Variants in MAEL observed in about 807,000 individuals in gnomAD.
The protein encoded by MAEL is protein maelstrom homolog.
MAEL carries 46 observed loss-of-function variants against 62.0 expected under a neutral mutation model. That is an observed-to-expected ratio of 0.74 (90% CI 0.59 to 0.95). The LOEUF (loss-of-function observed/expected upper bound fraction) is 0.95, where lower values mean the gene tolerates loss of function less well. Among genes scored for constraint, MAEL ranks in the 40% least tolerant of loss-of-function variants. MAEL has a pLI of 0.00. For synonymous variants in MAEL, 172 were observed against 175.5 expected (o/e 0.98, Z 0.16); for missense variants, 497 against 526.8 (o/e 0.94, Z 0.55).
chr1:166,988,348 TAAAAAAAAAAAAA>T (rs71073633), upstream of MAEL, among the ~76,000 whole-genome samples: 1 of 93,102 alleles, frequency 1.1e-5, no homozygotes, highest in Admixed American at 1.3e-4. Context: ...AGACCCTGTC[TAAAAAAAAAAAAA>T]AAAAAAAAAA....
upstream of MAEL, among the ~76,000 whole-genome samples, chr1:166,985,937 G>A (rs6699294): frequency 0.17 from 26,579 of 152,092 alleles, 2,463 homozygotes; most frequent in East Asian, 0.24. Context: ...GTTAAACAAC[G>A]TAAAGGAAGG....
chr1:166,980,395 C>T (rs1279497283), intron 1 of MAEL, among the ~76,000 whole-genome samples: 3 of 152,082 alleles, frequency 2.0e-5, no homozygotes, highest in African/African-American at 4.8e-5. Context: ...TGTGCCCATG[C>T]CAAAATTTAC....
At chr1:167,013,733 C>T (rs1039676227) in intron 8 of MAEL, among the ~76,000 whole-genome samples, 3 of 152,044 alleles carry the variant, frequency 2.0e-5, no homozygotes, top group Non-Finnish European at 4.4e-5. Flanking sequence ...GCTACAAAGC[C>T]GAGTGTTCCA....
At chr1:167,003,373 C>G (rs750376150) in intron 5 of MAEL, among the ~76,000 whole-genome samples, 46 of 152,270 alleles carry the variant, frequency 3.0e-4, no homozygotes, top group South Asian at 4.1e-4. Context: ...TTTCTGTCAA[C>G]TATATATTTG....
chr1:167,009,200 T>C (rs1571269029), intron 8 of MAEL, among the ~76,000 whole-genome samples: 1 of 152,196 alleles, frequency 6.6e-6, no homozygotes, highest in East Asian at 1.9e-4. Context: ...GCTGCTGTGA[T>C]ATTTGATGCC....
chr1:167,014,511 G>A (rs1665298735), intron 8 of MAEL, among the ~76,000 whole-genome samples: 1 of 152,122 alleles, frequency 6.6e-6, no homozygotes, highest in Admixed American at 6.5e-5. Flanking sequence ...GTCATGTATG[G>A]TAAATTCTGG....
chr1:166,992,670 T>TA lies in MAEL; in HGVS notation c.326-15dup. The TA allele has an allele frequency of 6.4e-7, 1 of 1,562,618 alleles. No individual in the cohort carries two copies. Among genetic ancestry groups the TA allele is most frequent in the Non-Finnish European group, 8.6e-7 (1 of 1,161,374 alleles). On this transcript the variant is annotated splice_polypyrimidine_tract_variant and intron_variant, in intron 3 of 11. Transcript: ENST00000367872. ...AGACATTCATTTATTCATTTTATCT[T>TA]ACAATTTTTTTTTAGCTCTCCTTGG...
rs773189473 is a variant in MAEL, at chr1:166,992,636, G to A, written c.326-50G>A. 6.5e-6 allele frequency: 9 copies of A among 1,375,516 alleles called. No individual in the cohort carries two copies. In the South Asian group the frequency reaches 7.2e-5, roughly 11 times the overall value. The allele number at this position is 1,375,516 out of a possible 1,614,324, so 85.2% of individuals were successfully genotyped here. A position where few individuals can be genotyped will look rare whatever the true frequency, so the allele number is the denominator to read the frequency against. On this transcript the variant is annotated intron_variant, in intron 3 of 11. Coordinates refer to ENST00000367872, the MANE Select transcript of MAEL (RefSeq NM_032858.3). ...AACTAAAGAGGCTTTTGTGGAAGAGGTAAATTTGAGACATTCATTTATTCA... is the reference window on the plus strand; with the variant it reads ...AACTAAAGAGGCTTTTGTGGAAGAGATAAATTTGAGACATTCATTTATTCA...
chr1:166,994,209 G>C, intron 5 of MAEL, 140 bp downstream of exon 5: 3 of 700,738 alleles, frequency 4.3e-6, no homozygotes, highest in Non-Finnish European at 7.0e-6. Flanking sequence ...AGATGTGATA[G>C]ATGGTGTCTG....
intron 8 of MAEL, chr1:167,006,097 C>CGTGT (rs149947712): frequency 6.6e-6 from 1 of 151,146 alleles, no homozygotes; most frequent in South Asian, 2.1e-4. Flanking sequence ...TGAGTGCGTG[C>CGTGT]GTGTGTGTGT....
intron 4 of MAEL, 141 bp downstream of exon 4, chr1:166,992,982 T>C (rs368822275): frequency 2.8e-6 from 2 of 714,326 alleles, no homozygotes; most frequent in South Asian, 3.6e-5. Flanking sequence ...ATAATGCTTA[T>C]TGAAAAACTG....
chr1:166,979,853 G>T (rs1370334529), intron 1 of MAEL, among the ~76,000 whole-genome samples: 1 of 152,074 alleles, frequency 6.6e-6, no homozygotes, highest in Non-Finnish European at 1.5e-5. Flanking sequence ...CCCTAAAAAG[G>T]TCCATCCAAG....
intron 8 of MAEL, among the ~76,000 whole-genome samples, chr1:167,007,640 C>T (rs1331342544): frequency 1.3e-5 from 2 of 151,480 alleles, no homozygotes; most frequent in African/African-American, 2.4e-5. Context: ...GTAGCTAGGT[C>T]TCTCAATCTT....
At chr1:166,982,943 C>T (rs955048046) in intron 1 of MAEL, among the ~76,000 whole-genome samples, 3 of 152,186 alleles carry the variant, frequency 2.0e-5, no homozygotes, top group Admixed American at 6.5e-5. Context: ...TGCTTGCTCT[C>T]TTCCTTCTAG....
intron 1 of MAEL, among the ~76,000 whole-genome samples, chr1:166,977,975 AC>A (rs1310880709): frequency 6.6e-6 from 1 of 152,156 alleles, no homozygotes; most frequent in Admixed American, 6.6e-5. Context: ...TTTATGCAAA[AC>A]TTGGACATAT....
chr1:167,006,601 CTATATATATATATATATATATA>C lies in MAEL; in HGVS notation c.845+1219_845+1240del, dbSNP rs200881169. On this transcript the variant is annotated intron_variant, in intron 8 of 11. Coordinates refer to ENST00000367872, the MANE Select transcript of MAEL (RefSeq NM_032858.3). ...CTATTGGAAAGTTACTGGTTTTTTA[CTATATATATATATATATATATA>C]TATATATATATATACATTTTTTTTT... Among the ~76,000 whole-genome samples, 908 of 98,088 alleles carry C rather than the reference CTATATATATATATATATATATA, an allele frequency of 9.3e-3. 26 individuals are homozygous for C. The highest frequency in any genetic ancestry group is 0.029 in the African/African-American group (850 of 28,840). 64.3% of individuals were successfully genotyped at this position (98,088 alleles called of 152,430 possible).
chr1:166,992,867 T>A (rs893246595), intron 4 of MAEL, 26 bp downstream of exon 4: 2 of 1,534,908 alleles, frequency 1.3e-6, no homozygotes, highest in Non-Finnish European at 1.7e-6. Flanking sequence ...AGATGCTAGA[T>A]CTTAAACGTG....
chr1:167,018,370 A>C (rs1459288443), intron 10 of MAEL, among the ~76,000 whole-genome samples: 1 of 152,108 alleles, frequency 6.6e-6, no homozygotes, highest in Non-Finnish European at 1.5e-5. Context: ...CCTGCCGTTT[A>C]CTTATTAGTA....
chr1:166,998,583 T>G (rs937063815), intron 5 of MAEL, among the ~76,000 whole-genome samples: 7 of 152,200 alleles, frequency 4.6e-5, no homozygotes, highest in Non-Finnish European at 7.4e-5. Flanking sequence ...CTCTAGTTTC[T>G]AGTGTTTCGC....
Sources: gnomAD v4.1 joint callset for allele counts (sites outside exome capture counted in the v4.1 genomes callset) on GRCh38, gnomAD v4.1.1 for gene constraint, MANE v1.5 for transcripts, NCBI Gene and HGNC (gene_info 2026-07-23, HGNC 2026-07-21) for gene names.